ZNF57: variants seen among roughly 807,000 people sequenced by gnomAD.
ZNF57 encodes the protein zinc finger protein 424.
In ZNF57, 11 loss-of-function variants were observed where a neutral mutation model predicts 13.4. The observed-to-expected ratio is 0.82, with a 90% CI of 0.52 to 1.36. The LOEUF (loss-of-function observed/expected upper bound fraction) is 1.36. ZNF57 is among the 40% of genes most tolerant of loss of function. The pLI is 0.00. For missense variants in ZNF57, 696 were observed against 667.5 expected (o/e 1.04, Z -0.47); for synonymous variants, 224 against 238.5 (o/e 0.94, Z 0.56).
At position 2,918,219 on chromosome 19, in the gene ZNF57, A is replaced by C. The variant is rs543956933; in HGVS notation, c.1598A>C (p.Glu533Ala). Residue 533 changes from glutamate to alanine, a missense_variant, in exon 4 of 4, where the codon GAA becomes GCA. Physicochemically the swap from Glu to Ala is moderately radical, Grantham distance 107. Transcript: ENST00000306908. ...LRMHTGQKSH[E>A]CQSYSKAFSC... is the part of the protein sequence containing the mutation. ...ATGCACACAGGACAGAAATCCCACGAATGTCAGTCATACTCAAAAGCCTTC... is the reference window on the plus strand; with the variant it reads ...ATGCACACAGGACAGAAATCCCACGCATGTCAGTCATACTCAAAAGCCTTC... The C allele has an allele frequency of 3.6e-5, 58 of 1,614,028 alleles. No homozygotes were observed. Among genetic ancestry groups the C allele is most frequent in the Non-Finnish European group, 4.9e-5 (58 of 1,180,000 alleles).
At chr19:2,916,294 A>G (rs1310184121) in intron 3 of ZNF57, 45 bp downstream of exon 3, 3 of 1,513,708 alleles carry the variant, frequency 2.0e-6, no homozygotes, top group Admixed American at 2.1e-5. Flanking sequence ...GCAATTAAAT[A>G]TATATCTAAG....
chr19:2,913,556 G>A (rs552858662), intron 1 of ZNF57, among the ~76,000 whole-genome samples: 1 of 152,114 alleles, frequency 6.6e-6, no homozygotes, highest in East Asian at 1.9e-4. Flanking sequence ...CATTAGTTAT[G>A]GAGGAGTGTG....
chr19:2,905,407 G>GCGCCCCCCCCCCCCCCCCCCC (rs2088064464), intron 1 of ZNF57, among the ~76,000 whole-genome samples: 1 of 34,818 alleles, frequency 2.9e-5, no homozygotes, highest in African/African-American at 1.3e-4. Flanking sequence ...TCAGGTGATC[G>GCGCCCCCCCCCCCCCCCCCCC]CCCCCCCCCC....
chr19:2,915,572 G>C lies in ZNF57; in HGVS notation c.54G>C (p.Trp18Cys), dbSNP rs145119447. The change falls in exon 2 of 4, where the codon TGG becomes TGC. Residue 18 changes from tryptophan (W) to cysteine (C), a missense_variant. Trp to Cys is a radical substitution (Grantham distance 215). Transcript: ENST00000306908. Reference protein sequence around the residue: ...DVAVDFTLEEWALLDSAQRDL... With the variant: ...DVAVDFTLEECALLDSAQRDL... ...CTGTGGACTTCACCCTGGAGGAGTG[G>C]GCTTTGCTGGATTCTGCTCAGAGGG... The C allele has an allele frequency of 8.3e-5, 134 of 1,614,080 alleles. 2 individuals carry two copies. The Middle Eastern group carries it at 1.7e-3, about 20-fold the overall frequency.
At chr19:2,903,137 T>A (rs1406935231) in intron 1 of ZNF57, among the ~76,000 whole-genome samples, 1 of 152,198 alleles carries the variant, frequency 6.6e-6, no homozygotes, top group East Asian at 1.9e-4. Flanking sequence ...GAGATGTGCT[T>A]GTGGGCGTTT....
chr19:2,915,548 T>C lies in ZNF57; in HGVS notation c.30T>C (p.Ala10=). MDSVVFEDV[A]VDFTLEEWAL... ...ACTCAGTGGTCTTTGAGGATGTGGCTGTGGACTTCACCCTGGAGGAGTGGG... is the reference window on the plus strand; with the variant it reads ...ACTCAGTGGTCTTTGAGGATGTGGCCGTGGACTTCACCCTGGAGGAGTGGG... The change falls in exon 2 of 4, where the codon GCT becomes GCC. Residue 10 remains alanine (A), a synonymous_variant. Coordinates refer to ENST00000306908, the MANE Select transcript of ZNF57 (RefSeq NM_173480.3). The C allele has an allele frequency of 6.2e-7, 1 of 1,614,040 alleles. No homozygotes were observed. Among genetic ancestry groups the C allele is most frequent in the East Asian group, 2.2e-5 (1 of 44,870 alleles).
chr19:2,901,581 C>T (rs1325742581), intron 1 of ZNF57, among the ~76,000 whole-genome samples: 2 of 151,814 alleles, frequency 1.3e-5, no homozygotes, highest in Admixed American at 6.6e-5. Flanking sequence ...AGTGCAGTGG[C>T]GTGATCTCGG....
At position 2,917,615 on chromosome 19, in the gene ZNF57, G is replaced by T; in HGVS notation, c.994G>T (p.Gly332Trp). Residue 332 changes from glycine (G) to tryptophan (W), a missense_variant, in exon 4 of 4, where the codon GGG becomes TGG. Around this residue, in one of 3 missense-constraint regions of ZNF57, gnomAD observed 645 missense variants for 591.5 expected, o/e 1.09. Transcript: ENST00000306908. ...TLRVHMRIHT[G>W]DKLYKCEHCG... ...GCGAGTCCACATGAGGATCCACACT[G>T]GGGACAAACTCTATAAATGTGAACA... 1.2e-6 allele frequency: 2 copies of T among 1,613,454 alleles called. No homozygotes were observed. Among genetic ancestry groups the T allele is most frequent in the Non-Finnish European group, 1.7e-6 (2 of 1,179,624 alleles).
In ZNF57 at chr19:2,917,175, G is replaced by A; in HGVS notation, c.554G>A (p.Ser185Asn). The change falls in exon 4 of 4, where the codon AGT becomes AAT. Residue 185 changes from serine (S) to asparagine (N), a missense_variant. Physicochemically the swap from Ser to Asn is conservative, Grantham distance 46. Around this residue, in one of 3 missense-constraint regions of ZNF57, gnomAD observed 645 missense variants for 591.5 expected, o/e 1.09. Coordinates refer to ENST00000306908, the MANE Select transcript of ZNF57 (RefSeq NM_173480.3). ...QACICPSHLH[S>N]HGRTDTEEKP... ...TGCATTTGTCCCTCACACCTACACA[G>A]TCACGGAAGAACTGACACTGAGGAG... is the stretch of plus-strand genomic sequence containing the variant. 6.2e-7 allele frequency: 1 copy of A among 1,614,210 alleles called. No individual in the cohort carries two copies. Among genetic ancestry groups the A allele is most frequent in the Non-Finnish European group, 8.5e-7 (1 of 1,180,042 alleles).
chr19:2,915,545 G>A lies in ZNF57; in HGVS notation c.27G>A (p.Val9=), dbSNP rs764043701. 2.5e-6 allele frequency: 4 copies of A among 1,613,848 alleles called. No homozygotes were observed. The highest frequency in any genetic ancestry group is 1.3e-5 in the African/African-American group (1 of 74,934). Residue 9 remains valine, a synonymous_variant, in exon 2 of 4, where the codon GTG becomes GTA. Coordinates refer to ENST00000306908, the MANE Select transcript of ZNF57 (RefSeq NM_173480.3). ...AGGACTCAGTGGTCTTTGAGGATGT[G>A]GCTGTGGACTTCACCCTGGAGGAGT... MDSVVFED[V]AVDFTLEEWA... is the part of the protein sequence containing the mutation.
Position 2,900,929 on chromosome 19 carries a change from TC to T in ZNF57, c.-114del, listed in dbSNP as rs2088022742. On this transcript the variant is annotated 5_prime_UTR_variant, in exon 1 of 4. Transcript: ENST00000306908. Reference sequence around the variant, plus strand: ...GCCCCGAGGGCGGGACGTTTCGTCCTCCCTGCCGCGCGTGCCCTGCCTACCA... The same window carrying T: ...GCCCCGAGGGCGGGACGTTTCGTCCTCCTGCCGCGCGTGCCCTGCCTACCA... 3 of 1,357,586 alleles carry T rather than the reference TC, an allele frequency of 2.2e-6. No homozygotes were observed. The highest frequency in any genetic ancestry group is 3.0e-6 in the Non-Finnish European group (3 of 993,788). 84.1% of individuals were successfully genotyped at this position (1,357,586 alleles called of 1,614,324 possible).
intron 1 of ZNF57, among the ~76,000 whole-genome samples, chr19:2,905,250 C>T (rs145467208): frequency 1.4e-4 from 21 of 151,754 alleles, no homozygotes; most frequent in African/African-American, 5.1e-4. Context: ...CTGCATCCTC[C>T]GTCTCCAGGG....
chr19:2,902,026 G>A (rs2088034549), intron 1 of ZNF57, among the ~76,000 whole-genome samples: 1 of 151,750 alleles, frequency 6.6e-6, no homozygotes, highest in Non-Finnish European at 1.5e-5. Flanking sequence ...TGTCACAAGG[G>A]CGGGGTACAT....
Position 2,918,325 on chromosome 19 carries a change from A to G in ZNF57, c.*36A>G. The stretch of plus-strand genomic sequence containing the variant: ...TATAACTTTAATGGGGTAACCTCAC[A>G]TTAATTCATGTATAATGCTCCAGAA... On this transcript the variant is annotated 3_prime_UTR_variant, in exon 4 of 4. Transcript: ENST00000306908. The G allele has an allele frequency of 1.3e-6, 2 of 1,538,666 alleles. No homozygotes were observed. The highest frequency in any genetic ancestry group is 4.5e-5 in the East Asian group (2 of 44,296).
chr19:2,915,919 G>T (rs567423754), intron 2 of ZNF57, among the ~76,000 whole-genome samples, 159 bp from the exon 3 acceptor site: 1 of 152,282 alleles, frequency 6.6e-6, no homozygotes, highest in African/African-American at 2.4e-5. Flanking sequence ...GTGGTTCCTT[G>T]TTTGATACCT....
chr19:2,901,230 G>T (rs1048598175), intron 1 of ZNF57, among the ~76,000 whole-genome samples, 182 bp downstream of exon 1: 1 of 148,742 alleles, frequency 6.7e-6, no homozygotes, highest in African/African-American at 2.5e-5. Context: ...GGGCAGTTTG[G>T]GGGGACGGAA....
Position 2,916,161 on chromosome 19 carries a change from C to T in ZNF57, c.214C>T (p.Pro72Ser). The T allele has an allele frequency of 6.2e-7, 1 of 1,613,868 alleles. No homozygotes were observed. Among genetic ancestry groups the T allele is most frequent in the African/African-American group, 1.3e-5 (1 of 74,960 alleles). Residue 72 changes from proline to serine, a missense_variant, in exon 3 of 4, where the codon CCA (proline) becomes TCA (serine). Pro to Ser is a moderately conservative substitution (Grantham distance 74). Around this residue, in one of 3 missense-constraint regions of ZNF57, gnomAD observed 645 missense variants for 591.5 expected, o/e 1.09. Coordinates refer to ENST00000306908, the MANE Select transcript of ZNF57 (RefSeq NM_173480.3). Reference protein sequence around the residue: ...GQEKSKEQTIPNFTGNNSCAY... With the variant: ...GQEKSKEQTISNFTGNNSCAY... ...AGAAAAATCTAAGGAACAGACAATA[C>T]CAAACTTCACAGGAAATAATTCCTG...
At chr19:2,914,655 G>A (rs749564796) in intron 1 of ZNF57, among the ~76,000 whole-genome samples, 25 of 152,116 alleles carry the variant, frequency 1.6e-4, no homozygotes, top group Admixed American at 8.5e-4. Context: ...TTGTCAATGC[G>A]AGGCTTATCA....
intron 1 of ZNF57, among the ~76,000 whole-genome samples, chr19:2,905,409 C>CCCA (rs2088064781): frequency 1.5e-5 from 1 of 65,394 alleles, no homozygotes; most frequent in Admixed American, 1.0e-4. Flanking sequence ...AGGTGATCGC[C>CCCA]CCCCCCCCCT....
Sources: allele counts gnomAD v4.1 joint callset (sites outside exome capture counted in the v4.1 genomes callset), GRCh38; gene constraint gnomAD v4.1.1; regional missense constraint gnomAD v4.1.1; transcripts MANE v1.5; gene names NCBI Gene and HGNC (gene_info 2026-07-23, HGNC 2026-07-21).